Variants in SPECC1L observed in about 807,000 individuals in gnomAD.
SPECC1L encodes the protein cytospin-A.
In SPECC1L, 40 loss-of-function variants were observed where a neutral mutation model predicts 116.8. That is an observed-to-expected ratio of 0.34 (90% CI 0.27 to 0.45). SPECC1L has a LOEUF of 0.45. SPECC1L is among the 20% of genes least tolerant of loss of function. The pLI is 1.00. For missense variants in SPECC1L, 1,110 were observed against 1,373.6 expected (o/e 0.81, Z 3.03); for synonymous variants, 504 against 500.6 (o/e 1.01, Z -0.09).
rs2048723407 is a variant in SPECC1L at position 24,271,359 on chromosome 22, A to G, written c.-142+376A>G. Among the ~76,000 whole-genome samples the G allele has an allele frequency of 2.0e-5, 3 of 152,202 alleles. No individual in the cohort carries two copies. The South Asian group carries it at 6.2e-4, about 31-fold the overall frequency. ...CGGGAGAGGCTGGGGCTGCCGCCCC[A>G]TCGCCCGGGTCCCTTGCCTGGGGCG... On this transcript the variant is annotated intron_variant, in intron 1 of 16. Transcript: ENST00000314328.
intron 14 of SPECC1L, among the ~76,000 whole-genome samples, chr22:24,373,759 G>C: frequency 6.6e-6 from 1 of 152,228 alleles, no homozygotes; most frequent in East Asian, 1.9e-4. Context: ...GGCAACAAAA[G>C]CGAAAATTGA....
Position 24,411,720 on chromosome 22 carries a change from C to G in SPECC1L, c.3204+16C>G, listed in dbSNP as rs1268911854. Reference sequence around the variant, plus strand: ...CCAGGATAAGGTAGGCCATGGAGGGCCAGCTCCTGGCACCCACCTCACAGG... The same window carrying G: ...CCAGGATAAGGTAGGCCATGGAGGGGCAGCTCCTGGCACCCACCTCACAGG... On this transcript the variant is annotated intron_variant, in intron 15 of 16. Transcript: ENST00000314328. The G allele has an allele frequency of 1.3e-5, 21 of 1,595,742 alleles. No individual in the cohort carries two copies. The highest frequency in any genetic ancestry group is 1.7e-6 in the Non-Finnish European group (2 of 1,165,058).
At chr22:24,279,436 A>G (rs1281020876) in intron 2 of SPECC1L, among the ~76,000 whole-genome samples, 3 of 152,152 alleles carry the variant, frequency 2.0e-5, no homozygotes, top group Non-Finnish European at 2.9e-5. Context: ...ACTATTTTGC[A>G]CAGGCTGGTC....
chr22:24,416,909 C>T lies in SPECC1L; in HGVS notation c.*2286C>T, dbSNP rs1479811158. 6.6e-6 allele frequency: 1 copy of T among 152,360 alleles called. No individual in the cohort carries two copies. Among genetic ancestry groups the T allele is most frequent in the Non-Finnish European group, 1.5e-5 (1 of 68,128 alleles). 9.4% of individuals were successfully genotyped at this position (152,360 alleles called of 1,614,324 possible). A position where few individuals can be genotyped will look rare whatever the true frequency, so the allele number is the denominator to read the frequency against. Reference sequence around the variant, plus strand: ...CTATCTAGAGGCTTGCCTCGGGCCCCTCCTTGGGGAAGGTTTGCGTGCAGA... The same window carrying T: ...CTATCTAGAGGCTTGCCTCGGGCCCTTCCTTGGGGAAGGTTTGCGTGCAGA... On this transcript the variant is annotated 3_prime_UTR_variant, in exon 17 of 17. Transcript: ENST00000314328.
intron 9 of SPECC1L, among the ~76,000 whole-genome samples, chr22:24,335,211 C>T (rs1030838634): frequency 2.6e-5 from 4 of 152,184 alleles, no homozygotes; most frequent in African/African-American, 9.7e-5. Flanking sequence ...GTTCAAGCCA[C>T]CATCAACCAC....
chr22:24,321,976 A>G lies in SPECC1L; in HGVS notation c.996A>G (p.Thr332=), dbSNP rs201628819. The G allele has an allele frequency of 6.2e-6, 10 of 1,614,212 alleles. No individual in the cohort carries two copies. Among genetic ancestry groups the G allele is most frequent in the Non-Finnish European group, 8.5e-6 (10 of 1,180,034 alleles). ...VEDLLSQDEN[T]LMDHQHSNSM... is the part of the protein sequence containing the mutation. ...ATCTCTTGAGTCAGGATGAAAATACACTAATGGACCATCAGCACAGTAACT... is the reference window on the plus strand; with the variant it reads ...ATCTCTTGAGTCAGGATGAAAATACGCTAATGGACCATCAGCACAGTAACT... Residue 332 remains threonine, a synonymous_variant, in exon 5 of 17, where the codon ACA becomes ACG. Coordinates refer to ENST00000314328, the MANE Select transcript of SPECC1L (RefSeq NM_015330.6).
intron 4 of SPECC1L, among the ~76,000 whole-genome samples, chr22:24,319,741 G>A (rs1397808910): frequency 6.6e-6 from 1 of 152,012 alleles, no homozygotes; most frequent in African/African-American, 2.4e-5. Flanking sequence ...CCTGAATTCC[G>A]CATCCTCCTG....
chr22:24,398,063 G>A (rs1255998822), intron 14 of SPECC1L, among the ~76,000 whole-genome samples: 1 of 152,214 alleles, frequency 6.6e-6, no homozygotes, highest in Non-Finnish European at 1.5e-5. Flanking sequence ...CACATGGCAG[G>A]ATCTCCTGAA....
chr22:24,287,990 G>A (rs988695004), intron 2 of SPECC1L, among the ~76,000 whole-genome samples: 2 of 152,086 alleles, frequency 1.3e-5, no homozygotes, highest in African/African-American at 4.8e-5. Context: ...TTTCATTCCG[G>A]GAGATCAGAG....
At chr22:24,389,496 TTG>T (rs1419706330) in intron 14 of SPECC1L, among the ~76,000 whole-genome samples, 1 of 151,868 alleles carries the variant, frequency 6.6e-6, no homozygotes, top group Non-Finnish European at 1.5e-5. Context: ...AGGTTTATAT[TTG>T]TGTTTGTGGG....
chr22:24,343,740 AGC>A (rs892306234), intron 10 of SPECC1L: 29 of 156,564 alleles, frequency 1.9e-4, no homozygotes, highest in Admixed American at 1.4e-3. Context: ...CACTGTGCCC[AGC>A]CCAAAATGGC....
At chr22:24,291,340 C>T (rs1204541769) in intron 2 of SPECC1L, among the ~76,000 whole-genome samples, 1 of 152,156 alleles carries the variant, frequency 6.6e-6, no homozygotes, top group Non-Finnish European at 1.5e-5. Flanking sequence ...GTGACTTGCA[C>T]AAGGTCACAT....
intron 14 of SPECC1L, among the ~76,000 whole-genome samples, chr22:24,405,434 G>A (rs1167008282): frequency 6.6e-6 from 1 of 152,050 alleles, no homozygotes; most frequent in Admixed American, 6.5e-5. Flanking sequence ...CCAGGTAGGA[G>A]CAGCCTAGGG....
intron 4 of SPECC1L, among the ~76,000 whole-genome samples, chr22:24,319,944 T>A (rs1458301137): frequency 6.6e-6 from 1 of 152,220 alleles, no homozygotes; most frequent in Non-Finnish European, 1.5e-5. Context: ...TTAAACATAT[T>A]CCTGGCCAGG....
rs1465113855 is a variant in SPECC1L at position 24,414,587 on chromosome 22, G to GT, written c.3319dup (p.Tyr1107LeufsTer10). On this transcript the variant is annotated frameshift_variant, in exon 17 of 17. Coordinates refer to ENST00000314328, the MANE Select transcript of SPECC1L (RefSeq NM_015330.6). LOFTEE classifies it high-confidence loss of function. ...GACCCGACTGGCAGAACGTGATGCT[G>GT]TATGTGACGGCGATCTACAAGTACT... is the stretch of plus-strand genomic sequence containing the variant. 1 of 1,613,914 alleles carries GT rather than the reference G, an allele frequency of 6.2e-7. No homozygotes were observed. Among genetic ancestry groups the GT allele is most frequent in the South Asian group, 1.1e-5 (1 of 91,084 alleles).
chr22:24,338,718 T>C (rs1323621952), intron 10 of SPECC1L, among the ~76,000 whole-genome samples: 1 of 152,260 alleles, frequency 6.6e-6, no homozygotes, highest in Non-Finnish European at 1.5e-5. Flanking sequence ...ACACTTGCTA[T>C]GTGTTCTACA....
intron 2 of SPECC1L, among the ~76,000 whole-genome samples, chr22:24,282,375 AAACTAT>A (rs1265759139): frequency 6.6e-6 from 1 of 152,220 alleles, no homozygotes; most frequent in Non-Finnish European, 1.5e-5. Flanking sequence ...TTTAAACTAT[AAACTAT>A]AAGTTTCTCC....
intron 14 of SPECC1L, among the ~76,000 whole-genome samples, chr22:24,371,962 CTGCCTGCCTCAGCCT>C (rs1219543270): frequency 6.6e-6 from 1 of 152,210 alleles, no homozygotes; most frequent in African/African-American, 2.4e-5. Flanking sequence ...CTCAGGTAAT[CTGCCTGCCTCAGCCT>C]CCGAAACTGC....
chr22:24,342,848 G>C (rs1183090492), intron 10 of SPECC1L, among the ~76,000 whole-genome samples: 1 of 151,890 alleles, frequency 6.6e-6, no homozygotes, highest in African/African-American at 2.4e-5. Context: ...TGGAGCCCAA[G>C]AAAAAAAGGC....
Sources: gnomAD v4.1 joint callset for allele counts (sites outside exome capture counted in the v4.1 genomes callset) on GRCh38, gnomAD v4.1.1 for gene constraint, MANE v1.5 for transcripts, NCBI Gene and HGNC (gene_info 2026-07-23, HGNC 2026-07-21) for gene names.